Variants in ECE1 observed in about 807,000 individuals in gnomAD.
ECE1 encodes the protein endothelin-converting enzyme 1.
A neutral mutation model predicts 98.6 loss-of-function variants in ECE1; 35 were observed. The ratio of observed to expected loss-of-function variants is 0.35; its 90% CI spans 0.27 to 0.47. ECE1 has a LOEUF of 0.47. Among genes scored for constraint, ECE1 ranks in the 20% least tolerant of loss-of-function variants. The pLI is 1.00. For synonymous variants in ECE1, 394 were observed against 407.1 expected, an observed-to-expected ratio of 0.97 and a Z score of 0.39; for missense variants, 814 against 1,025.3, an observed-to-expected ratio of 0.79 and a Z score of 2.81.
At chr1:21,272,963 G>A (rs2098242083) in intron 3 of ECE1, 52 bp from the exon 4 acceptor site, 1 of 1,604,816 alleles carries the variant, frequency 6.2e-7, no homozygotes. Flanking sequence ...GGAAGAAGCA[G>A]GGAGGGCAGA....
chr1:21,320,415 C>CTT (rs3061088), intron 1 of ECE1, among the ~76,000 whole-genome samples: 59,142 of 151,682 alleles, frequency 0.39, 13,006 homozygotes, highest in African/African-American at 0.61. Context: ...GAGAAATAAG[C>CTT]TTTTTAAAAA....
At chr1:21,343,909 G>A (rs540560653) in intron 1 of ECE1, among the ~76,000 whole-genome samples, 2 of 152,236 alleles carry the variant, frequency 1.3e-5, no homozygotes, top group East Asian at 1.9e-4. Flanking sequence ...AAAGTCTCAC[G>A]GCCTTTTGGT....
chr1:21,345,296 C>G lies in ECE1; in HGVS notation c.3+80G>C. The G allele has an allele frequency of 7.6e-7, 1 of 1,313,062 alleles. No individual in the cohort carries two copies. The highest frequency in any genetic ancestry group is 2.8e-5 in the Admixed American group (1 of 35,128). The allele number at this position is 1,313,062 out of a possible 1,614,324, so 81.3% of individuals were successfully genotyped here. A position where few individuals can be genotyped will look rare whatever the true frequency, so the allele number is the denominator to read the frequency against. ...AGCCCCCCGCGAGCCAGGGCGGCCC[C>G]GGGTGCCACCCGCGGCACCGCTGCC... On this transcript the variant is annotated intron_variant, in intron 1 of 18. Transcript: ENST00000415912. This position sits in a 1 kb window ranked among gnomAD's most constrained non-coding sequence, Gnocchi z 5.1.
chr1:21,218,051 C>A lies in ECE1; in HGVS notation c.*1904G>T, dbSNP rs771623039. On this transcript the variant is annotated 3_prime_UTR_variant, in exon 19 of 19. Coordinates refer to ENST00000374893, the MANE Select transcript of ECE1 (RefSeq NM_001397.3). The surrounding 1 kb of genome is among the most constrained non-coding windows in gnomAD (Gnocchi z 4.0). ...TCCGTCTCGGGGCCTGGCTTCCCCA[C>A]TGGATGGCAGAGGCCGCTCCAGGTG... 1 of 152,392 alleles carries A rather than the reference C, an allele frequency of 6.6e-6. No homozygotes were observed. The highest frequency in any genetic ancestry group is 1.5e-5 in the Non-Finnish European group (1 of 68,182). The allele number at this position is 152,392 out of a possible 1,614,324, so 9.4% of individuals were successfully genotyped here. A position where few individuals can be genotyped will look rare whatever the true frequency, so the allele number is the denominator to read the frequency against.
intron 1 of ECE1, among the ~76,000 whole-genome samples, chr1:21,328,764 GAAAAAAA>G (rs35883969): frequency 2.0e-4 from 10 of 50,228 alleles, no homozygotes; most frequent in South Asian, 6.9e-4. Flanking sequence ...CCTCCATCTC[GAAAAAAA>G]AAAAAAAAAA....
rs1173019761 is a variant in ECE1, at chr1:21,235,805, A to G, written c.1566+45T>C. 1.9e-6 allele frequency: 3 copies of G among 1,599,356 alleles called. No individual in the cohort carries two copies. In the African/African-American group the frequency reaches 4.0e-5, roughly 21 times the overall value. ...CCAGCCCTGCCTCGGCCCTTTTCTA[A>G]GGGGGCATTTAGGAACGCAAGGGGG... On this transcript the variant is annotated intron_variant, in intron 13 of 18. Coordinates refer to ENST00000374893, the MANE Select transcript of ECE1 (RefSeq NM_001397.3). This position sits in a 1 kb window ranked among gnomAD's most constrained non-coding sequence, Gnocchi z 4.2.
At position 21,228,111 on chromosome 1, in the gene ECE1, C is replaced by T. The variant is rs72865355; in HGVS notation, c.1671-70G>A. On this transcript the variant is annotated intron_variant, in intron 14 of 18. Coordinates refer to ENST00000374893, the MANE Select transcript of ECE1 (RefSeq NM_001397.3). ...GCAGGTGGGGACAGCCTGCCTGGAG[C>T]GCTGCTTGGGGATCGGGAATAAGGG... The T allele has an allele frequency of 3.0e-4, 386 of 1,284,342 alleles. 1 individual carries two copies. Among genetic ancestry groups the T allele is most frequent in the African/African-American group, 2.7e-3 (184 of 67,406 alleles). The allele number at this position is 1,284,342 out of a possible 1,614,324, so 79.6% of individuals were successfully genotyped here.
At chr1:21,324,378 G>T (rs1205030102) in intron 1 of ECE1, among the ~76,000 whole-genome samples, 1 of 152,220 alleles carries the variant, frequency 6.6e-6, no homozygotes, top group South Asian at 2.1e-4. Context: ...CCATCCATCA[G>T]TGCGGGACTG....
chr1:21,297,007 C>T (rs1462073035), intron 1 of ECE1, among the ~76,000 whole-genome samples: 1 of 152,154 alleles, frequency 6.6e-6, no homozygotes, highest in East Asian at 1.9e-4. Context: ...GGGCACAGGG[C>T]AGAGGTAGGA....
chr1:21,299,055 C>G, intron 1 of ECE1: 1 of 358,890 alleles, frequency 2.8e-6, no homozygotes. Context: ...CAAGCGCTCT[C>G]TGACAATGTG....
At position 21,319,913 on chromosome 1, in the gene ECE1, T is replaced by C. The variant is rs1246987244; in HGVS notation, c.3+25463A>G. ...ACAGGTGTCCCCACCCCACTCCAGA[T>C]CTTCTGTTTACACTCGGCAGCAGCG... On this transcript the variant is annotated intron_variant, in intron 1 of 18. Transcript: ENST00000415912. The surrounding 1 kb of genome is among the most constrained non-coding windows in gnomAD (Gnocchi z 4.4). Among the ~76,000 whole-genome samples, 1 of 152,128 alleles carries C rather than the reference T, an allele frequency of 6.6e-6. No homozygotes were observed. Among genetic ancestry groups the C allele is most frequent in the African/African-American group, 2.4e-5 (1 of 41,418 alleles).
At chr1:21,228,936 G>A (rs2098178186) in intron 14 of ECE1, among the ~76,000 whole-genome samples, 1 of 151,514 alleles carries the variant, frequency 6.6e-6, no homozygotes, top group Non-Finnish European at 1.5e-5. Context: ...CGCCCCCCGG[G>A]GTTCACGCCA....
At chr1:21,286,290 A>T (rs1427171130) in intron 2 of ECE1, among the ~76,000 whole-genome samples, 1 of 152,168 alleles carries the variant, frequency 6.6e-6, no homozygotes, top group African/African-American at 2.4e-5. Context: ...TTCAGAGCAA[A>T]AGCTAGCATA....
intron 4 of ECE1, among the ~76,000 whole-genome samples, chr1:21,267,907 C>A (rs183783452): frequency 6.6e-6 from 1 of 152,192 alleles, no homozygotes; most frequent in Non-Finnish European, 1.5e-5. Context: ...CCGACATGGA[C>A]ACGTTTAACG....
chr1:21,236,678 C>T (rs758292060), intron 12 of ECE1, 68 bp downstream of exon 12: 65 of 1,482,428 alleles, frequency 4.4e-5, no homozygotes, highest in Non-Finnish European at 5.8e-5. Context: ...CCGGCCTCTC[C>T]TTCCCCCACC....
rs142484555 is a variant in ECE1, at chr1:21,268,763, C to T, written c.493+3936G>A. 4.2e-3 allele frequency among the ~76,000 whole-genome samples: 646 copies of T among 152,272 alleles called. 5 individuals are homozygous for T. The highest frequency in any genetic ancestry group is 0.014 in the African/African-American group (594 of 41,548). On this transcript the variant is annotated intron_variant, in intron 4 of 18. Transcript: ENST00000374893. ...TTGGCTGACCCCTTTGTCTTGGAGA[C>T]GCTGAACCCAGCCTGGCCTTAAGCC... is the stretch of plus-strand genomic sequence containing the variant.
chr1:21,287,886 C>T (rs1027489543), intron 2 of ECE1, among the ~76,000 whole-genome samples: 8 of 152,064 alleles, frequency 5.3e-5, no homozygotes, highest in East Asian at 3.8e-4. Flanking sequence ...ATTACTGCTC[C>T]GTTTTTAATT....
intron 1 of ECE1, among the ~76,000 whole-genome samples, chr1:21,304,783 T>A (rs1403642576): frequency 6.6e-6 from 1 of 152,158 alleles, no homozygotes; most frequent in Admixed American, 6.5e-5. Context: ...CACTTGTGCA[T>A]TTCACTGTAA....
chr1:21,260,519 A>T lies in ECE1; in HGVS notation c.494-127T>A. The stretch of plus-strand genomic sequence containing the variant: ...AGGAGCTCTGACATCTGCCTGTCGG[A>T]GTGGCAGTGAGGAATGCCGTCACCG... On this transcript the variant is annotated intron_variant, in intron 4 of 18. Coordinates refer to ENST00000374893, the MANE Select transcript of ECE1 (RefSeq NM_001397.3). The surrounding 1 kb of genome is among the most constrained non-coding windows in gnomAD (Gnocchi z 4.3). 1 of 1,228,188 alleles carries T rather than the reference A, an allele frequency of 8.1e-7. No individual in the cohort carries two copies. Among genetic ancestry groups the T allele is most frequent in the Non-Finnish European group, 1.2e-6 (1 of 843,636 alleles). The allele number at this position is 1,228,188 out of a possible 1,614,324, so 76.1% of individuals were successfully genotyped here.
Sources: gnomAD v4.1 joint callset for allele counts (sites outside exome capture counted in the v4.1 genomes callset) on GRCh38, gnomAD v4.1.1 for gene constraint, Gnocchi (gnomAD v3.1) non-coding constraint, MANE v1.5 for transcripts, NCBI Gene and HGNC (gene_info 2026-07-23, HGNC 2026-07-21) for gene names.